SLC6A19: variants seen among roughly 807,000 people sequenced by gnomAD.
The protein encoded by SLC6A19 is solute carrier family 6 member 19.
SLC6A19 carries 67 observed loss-of-function variants against 68.3 expected under a neutral mutation model. The ratio of observed to expected loss-of-function variants is 0.98; its 90% CI spans 0.81 to 1.20. The LOEUF is 1.20. Among genes scored for constraint, SLC6A19 ranks in the 50% most tolerant of loss-of-function variants. The pLI is 0.00. For synonymous variants in SLC6A19, 392 were observed against 374.9 expected, an observed-to-expected ratio of 1.05 and a Z score of -0.53; for missense variants, 813 against 851.6, an observed-to-expected ratio of 0.95 and a Z score of 0.56.
rs1482709030 is a variant in SLC6A19 at position 1,203,756 on chromosome 5, A to T, written c.202+1904A>T. Among the ~76,000 whole-genome samples the T allele has an allele frequency of 3.3e-5, 5 of 152,234 alleles. No homozygotes were observed. In the East Asian group the frequency reaches 9.6e-4, roughly 29 times the overall value. On this transcript the variant is annotated intron_variant, in intron 1 of 11. Transcript: ENST00000304460. ...CCCCACATACCAGACCACCAGCCTG[A>T]AAGAGCTGAAGCCCACACTGCAGCC...
chr5:1,221,675 A>C (rs757203230), intron 11 of SLC6A19, 26 bp from the exon 12 acceptor site: 7 of 1,613,048 alleles, frequency 4.3e-6, no homozygotes, highest in Non-Finnish European at 5.9e-6. Flanking sequence ...CGGGATGCCT[A>C]CTCACCCATG....
At chr5:1,218,441 G>T (rs1306924784) in intron 8 of SLC6A19, among the ~76,000 whole-genome samples, 2 of 152,266 alleles carry the variant, frequency 1.3e-5, no homozygotes, top group African/African-American at 2.4e-5. Flanking sequence ...GGAGCAGAAG[G>T]CGTCCGGGTG....
In SLC6A19 at chr5:1,210,481, G is replaced by C; in HGVS notation, c.381G>C (p.Leu127=). The C allele has an allele frequency of 6.2e-7, 1 of 1,613,428 alleles. No homozygotes were observed. Among genetic ancestry groups the C allele is most frequent in the Non-Finnish European group, 8.5e-7 (1 of 1,180,024 alleles). Reference sequence around the variant, plus strand: ...TGCTCACGTCCTTCATGGTGGGACTGTATTACAACACCATCATCTCCTGGA... The same window carrying C: ...TGCTCACGTCCTTCATGGTGGGACTCTATTACAACACCATCATCTCCTGGA... ...ASMLTSFMVG[L]YYNTIISWIM... Residue 127 remains leucine, a synonymous_variant, in exon 3 of 12, where the codon CTG becomes CTC. Transcript: ENST00000304460.
Position 1,219,617 on chromosome 5 carries a change from C to A in SLC6A19, c.1491C>A (p.Ile497=). The A allele has an allele frequency of 1.2e-6, 2 of 1,609,880 alleles. No homozygotes were observed. The highest frequency in any genetic ancestry group is 1.7e-6 in the Non-Finnish European group (2 of 1,180,016). Residue 497 remains isoleucine, a synonymous_variant, in exon 10 of 12, where the codon ATC becomes ATA. Transcript: ENST00000304460. ...CCGGCTCCATTCCCCTGCTCATCATCGCCTTCTGCGAGATGTTCTCTGTGG... is the reference window on the plus strand; with the variant it reads ...CCGGCTCCATTCCCCTGCTCATCATAGCCTTCTGCGAGATGTTCTCTGTGG... ...SYAGSIPLLI[I]AFCEMFSVVY...
Position 1,212,037 on chromosome 5 carries a change from G to C in SLC6A19, c.482-266G>C, listed in dbSNP as rs866713490. On this transcript the variant is annotated intron_variant, in intron 3 of 11. Transcript: ENST00000304460. The surrounding 1 kb of genome is among the most constrained non-coding windows in gnomAD (Gnocchi z 5.1). Reference sequence around the variant, plus strand: ...GTGTGCCTCTGTGCATGTGTGTGCTGTGTGTGTGTGTGCATGTGCATGTGT... The same window carrying C: ...GTGTGCCTCTGTGCATGTGTGTGCTCTGTGTGTGTGTGCATGTGCATGTGT... Among the ~76,000 whole-genome samples, 16 of 130,570 alleles carry C rather than the reference G, an allele frequency of 1.2e-4. No individual in the cohort carries two copies. Among genetic ancestry groups the C allele is most frequent in the Middle Eastern group, 5.0e-3 (1 of 200 alleles). 85.7% of individuals were successfully genotyped at this position (130,570 alleles called of 152,430 possible).
In SLC6A19 at chr5:1,215,782, T is replaced by C. The variant is rs1329288463; in HGVS notation, c.888-776T>C. On this transcript the variant is annotated intron_variant, in intron 6 of 11. Coordinates refer to ENST00000304460, the MANE Select transcript of SLC6A19 (RefSeq NM_001003841.3). This position sits in a 1 kb window ranked among gnomAD's most constrained non-coding sequence, Gnocchi z 5.1. ...GGAGTTGCTGCGTCATGCTGGCCTC[T>C]ACATGCAGTCCTTCGAGGAGCTGTC... Among the ~76,000 whole-genome samples, 1 of 152,236 alleles carries C rather than the reference T, an allele frequency of 6.6e-6. No individual in the cohort carries two copies. The highest frequency in any genetic ancestry group is 1.5e-5 in the Non-Finnish European group (1 of 68,046).
At position 1,215,030 on chromosome 5, in the gene SLC6A19, G is replaced by C. The variant is rs1746169555; in HGVS notation, c.887+965G>C. On this transcript the variant is annotated intron_variant, in intron 6 of 11. Coordinates refer to ENST00000304460, the MANE Select transcript of SLC6A19 (RefSeq NM_001003841.3). The surrounding 1 kb of genome is among the most constrained non-coding windows in gnomAD (Gnocchi z 5.1). ...GCTTGTGGGCAGAGAGGGTGTTGGA[G>C]GGACAGAAAGGACCCTGGAGTCATT... Among the ~76,000 whole-genome samples, 1 of 152,010 alleles carries C rather than the reference G, an allele frequency of 6.6e-6. No individual in the cohort carries two copies. Among genetic ancestry groups the C allele is most frequent in the Admixed American group, 6.5e-5 (1 of 15,276 alleles).
chr5:1,206,001 G>A (rs1745841110), intron 1 of SLC6A19, among the ~76,000 whole-genome samples: 1 of 152,194 alleles, frequency 6.6e-6, no homozygotes, highest in African/African-American at 2.4e-5. Flanking sequence ...TGCAGCTCCT[G>A]CTTCTGAAGG....
intron 10 of SLC6A19, 31 bp downstream of exon 10, chr5:1,219,695 AATGCAG>A (rs771987646): frequency 1.9e-6 from 3 of 1,600,526 alleles, no homozygotes; most frequent in Non-Finnish European, 1.7e-6. Flanking sequence ...AGGTGCCTCT[AATGCAG>A]AAAAGCCAGG....
chr5:1,219,143 G>T, intron 9 of SLC6A19, 36 bp downstream of exon 9: 1 of 1,561,068 alleles, frequency 6.4e-7, no homozygotes, highest in Non-Finnish European at 8.7e-7. Flanking sequence ...CCATGGCAAT[G>T]GTGCCACCTG....
At chr5:1,220,896 G>A (rs1479088899) in intron 10 of SLC6A19, among the ~76,000 whole-genome samples, 5 of 152,174 alleles carry the variant, frequency 3.3e-5, no homozygotes, top group South Asian at 2.1e-4. Context: ...GGGTGAGGGC[G>A]GGGCACCTCT....
At chr5:1,208,602 C>T in intron 1 of SLC6A19, 144 bp from the exon 2 acceptor site, 1 of 1,086,558 alleles carries the variant, frequency 9.2e-7, no homozygotes, top group African/African-American at 1.5e-5. Flanking sequence ...ATCCCATGGA[C>T]TGGCTGCTCC....
Position 1,215,189 on chromosome 5 carries a change from T to C in SLC6A19, c.887+1124T>C, listed in dbSNP as rs1746174210. On this transcript the variant is annotated intron_variant, in intron 6 of 11. Coordinates refer to ENST00000304460, the MANE Select transcript of SLC6A19 (RefSeq NM_001003841.3). This position sits in a 1 kb window ranked among gnomAD's most constrained non-coding sequence, Gnocchi z 5.1. ...AGGGCCAAGGCAGGATTGAGGACTC[T>C]GACTTTTTCGTGGAGTGGCTGAGGT... Among the ~76,000 whole-genome samples the C allele has an allele frequency of 6.6e-6, 1 of 152,116 alleles. No individual in the cohort carries two copies. Among genetic ancestry groups the C allele is most frequent in the South Asian group, 2.1e-4 (1 of 4,830 alleles).
At chr5:1,217,290 GA>G (rs1746237340) in intron 8 of SLC6A19, among the ~76,000 whole-genome samples, 1 of 152,258 alleles carries the variant, frequency 6.6e-6, no homozygotes, top group Admixed American at 6.5e-5. Context: ...TATCGACATT[GA>G]AAGAGTTTTT....
rs80206787 is a variant in SLC6A19 at position 1,212,150 on chromosome 5, G to A, written c.482-153G>A. 2.5e-3 allele frequency among the ~76,000 whole-genome samples: 388 copies of A among 152,244 alleles called. 2 individuals carry two copies. Among genetic ancestry groups the A allele is most frequent in the Non-Finnish European group, 4.6e-3 (312 of 67,996 alleles). On this transcript the variant is annotated intron_variant, in intron 3 of 11. Coordinates refer to ENST00000304460, the MANE Select transcript of SLC6A19 (RefSeq NM_001003841.3). This position sits in a 1 kb window ranked among gnomAD's most constrained non-coding sequence, Gnocchi z 5.1. ...TGCGTGCATGCATGTGCGTGCACGT[G>A]AGCATGTGTGCCTGTGTTCATGTGC... is the stretch of plus-strand genomic sequence containing the variant.
chr5:1,202,225 G>A (rs1159850633), intron 1 of SLC6A19, among the ~76,000 whole-genome samples: 4 of 152,300 alleles, frequency 2.6e-5, no homozygotes, highest in East Asian at 3.9e-4. Flanking sequence ...ATCACCTCTC[G>A]TCCCAGCCCC....
rs1428523008 is a variant in SLC6A19 at position 1,215,411 on chromosome 5, C to T, written c.888-1147C>T. 6.6e-6 allele frequency among the ~76,000 whole-genome samples: 1 copy of T among 152,216 alleles called. No homozygotes were observed. Among genetic ancestry groups the T allele is most frequent in the African/African-American group, 2.4e-5 (1 of 41,446 alleles). Reference sequence around the variant, plus strand: ...ATATGTGAGCAGCCGCTCCCCAGTGCCCTGTCCTCCTGCCCCGGGTGAGCA... The same window carrying T: ...ATATGTGAGCAGCCGCTCCCCAGTGTCCTGTCCTCCTGCCCCGGGTGAGCA... On this transcript the variant is annotated intron_variant, in intron 6 of 11. Coordinates refer to ENST00000304460, the MANE Select transcript of SLC6A19 (RefSeq NM_001003841.3). This position sits in a 1 kb window ranked among gnomAD's most constrained non-coding sequence, Gnocchi z 5.1.
intron 3 of SLC6A19, among the ~76,000 whole-genome samples, chr5:1,211,934 TG>T (rs1285419128): frequency 1.7e-4 from 26 of 149,264 alleles, no homozygotes; most frequent in African/African-American, 6.5e-4. Flanking sequence ...CATGTGAGCA[TG>T]TGTGTGCATG....
In SLC6A19 at chr5:1,204,728, C is replaced by T. The variant is rs545992601; in HGVS notation, c.202+2876C>T. Among the ~76,000 whole-genome samples, 12 of 152,304 alleles carry T rather than the reference C, an allele frequency of 7.9e-5. No individual in the cohort carries two copies. In the South Asian group the frequency reaches 1.5e-3, roughly 18 times the overall value. On this transcript the variant is annotated intron_variant, in intron 1 of 11. Transcript: ENST00000304460. ...TGGTGTCCGTGAGCGAGGTGGCGTG[C>T]GGGAGCCGGAGGAGCCACCCCTTCC...
Sources: allele counts gnomAD v4.1 joint callset (sites outside exome capture counted in the v4.1 genomes callset), GRCh38; gene constraint gnomAD v4.1.1; non-coding constraint Gnocchi (gnomAD v3.1); transcripts MANE v1.5; gene names NCBI Gene and HGNC (gene_info 2026-07-23, HGNC 2026-07-21).